The following CD247 variants were observed in gnomAD, a reference collection of about 807,000 sequenced individuals.
CD247 encodes T-cell surface glycoprotein CD3 zeta chain.
Under a neutral mutation model 30.0 loss-of-function variants are expected in CD247, and 13 were observed. The observed-to-expected ratio is 0.43, with a 90% confidence interval of 0.28 to 0.69. CD247 has a LOEUF of 0.69. Ranked by LOEUF, CD247 falls within the 30% of genes least tolerant of loss-of-function variation. The probability of loss-of-function intolerance (pLI) is 0.16; values close to 1 mark genes in which losing one functional copy is unlikely to be tolerated. For missense variants in CD247, 193 were observed against 212.6 expected, an observed-to-expected ratio of 0.91 and a Z score of 0.57; for synonymous variants, 72 against 80.0, an observed-to-expected ratio of 0.90 and a Z score of 0.53.
chr1:167,445,737 G>T (rs1242298647), intron 1 of CD247, among the ~76,000 whole-genome samples: 3 of 152,024 alleles, frequency 2.0e-5, no homozygotes, highest in Non-Finnish European at 4.4e-5. Flanking sequence ...CTGCTAACAG[G>T]GATCAGGCCT....
intron 1 of CD247, among the ~76,000 whole-genome samples, chr1:167,465,452 C>G (rs138020365): frequency 0.067 from 10,220 of 151,886 alleles, 501 homozygotes; most frequent in East Asian, 0.28. Flanking sequence ...CCTCAGCCTC[C>G]CGAGTAGCTG....
chr1:167,501,878 C>T (rs998602716), intron 1 of CD247, among the ~76,000 whole-genome samples: 6 of 152,214 alleles, frequency 3.9e-5, no homozygotes, highest in African/African-American at 1.2e-4. Flanking sequence ...AAGAGGAGCA[C>T]GCAGGTAGAA....
intron 1 of CD247, among the ~76,000 whole-genome samples, chr1:167,463,034 C>T (rs1485836771): frequency 6.6e-6 from 1 of 152,220 alleles, no homozygotes; most frequent in Non-Finnish European, 1.5e-5. Flanking sequence ...AATTTGGGGA[C>T]TGCTTCTTTT....
intron 1 of CD247, among the ~76,000 whole-genome samples, chr1:167,484,400 C>T (rs535101156): frequency 6.6e-6 from 1 of 152,224 alleles, no homozygotes; most frequent in Non-Finnish European, 1.5e-5. Context: ...GTACACCCTT[C>T]CCCTTTGGGA....
intron 1 of CD247, among the ~76,000 whole-genome samples, chr1:167,490,266 T>C (rs1358701134): frequency 6.6e-6 from 1 of 152,224 alleles, no homozygotes; most frequent in African/African-American, 2.4e-5. Context: ...TCTGACCTCA[T>C]CTTTCTTAAT....
chr1:167,515,776 A>G (rs914157015), intron 1 of CD247, among the ~76,000 whole-genome samples: 3 of 152,248 alleles, frequency 2.0e-5, no homozygotes, highest in Non-Finnish European at 4.4e-5. Context: ...GCTGCTTTAT[A>G]ACATATTGAA....
intron 1 of CD247, chr1:167,459,675 A>C (rs1180862625): frequency 6.6e-6 from 1 of 152,132 alleles, no homozygotes; most frequent in East Asian, 1.9e-4. Context: ...TTTTACATTA[A>C]CAACTGGACT....
At chr1:167,447,699 A>C (rs1009792819) in intron 1 of CD247, among the ~76,000 whole-genome samples, 1 of 152,124 alleles carries the variant, frequency 6.6e-6, no homozygotes, top group Non-Finnish European at 1.5e-5. Flanking sequence ...GTGACACTCA[A>C]ATGGGAAGGG....
chr1:167,459,360 T>C (rs1652887687), intron 1 of CD247, among the ~76,000 whole-genome samples: 2 of 141,310 alleles, frequency 1.4e-5, no homozygotes, highest in South Asian at 4.9e-4. Context: ...TTTTTTTTTT[T>C]TTTTTTTTTT....
At chr1:167,496,920 A>T (rs1488859416) in intron 1 of CD247, among the ~76,000 whole-genome samples, 2 of 152,200 alleles carry the variant, frequency 1.3e-5, no homozygotes, top group African/African-American at 2.4e-5. Context: ...TGATGAAAAA[A>T]GCAGGCCCCG....
chr1:167,483,412 C>G (rs1223091341), intron 1 of CD247, among the ~76,000 whole-genome samples: 1 of 152,064 alleles, frequency 6.6e-6, no homozygotes, highest in Non-Finnish European at 1.5e-5. Context: ...AAAATAGCCT[C>G]CCTCCCCCTC....
At chr1:167,440,405 C>A in intron 2 of CD247, 1 of 545,212 alleles carries the variant, frequency 1.8e-6, no homozygotes, top group Non-Finnish European at 3.3e-6. Flanking sequence ...CTGGGACACT[C>A]TGATGTGCAC....
chr1:167,439,560 G>T, intron 2 of CD247, 160 bp from the exon 3 acceptor site: 1 of 651,900 alleles, frequency 1.5e-6, no homozygotes, highest in Non-Finnish European at 2.8e-6. Flanking sequence ...AGGGGCCGGG[G>T]CGTGGCAGCC....
At chr1:167,462,620 C>T (rs10918693) in intron 1 of CD247, among the ~76,000 whole-genome samples, 23,450 of 152,172 alleles carry the variant, frequency 0.15, 2,382 homozygotes, top group East Asian at 0.36. Flanking sequence ...TTTTGGGGGC[C>T]GATCCCTGCT....
intron 1 of CD247, chr1:167,459,657 T>A (rs1652904417): frequency 6.6e-6 from 1 of 152,164 alleles, no homozygotes; most frequent in Non-Finnish European, 1.5e-5. Flanking sequence ...CCTGGCCTCT[T>A]GTACCTTTTT....
intron 1 of CD247, among the ~76,000 whole-genome samples, chr1:167,515,865 A>G (rs1442124320): frequency 6.6e-6 from 1 of 152,268 alleles, no homozygotes; most frequent in African/African-American, 2.4e-5. Context: ...TAATAATAGT[A>G]ATAGTAAATA....
In CD247 at chr1:167,464,123, G is replaced by A. The variant is rs1390942779; in HGVS notation, c.59-23356C>T. Among the ~76,000 whole-genome samples the A allele has an allele frequency of 2.6e-5, 4 of 152,134 alleles. No individual in the cohort carries two copies. In the South Asian group the frequency reaches 8.3e-4, roughly 31 times the overall value. ...ACCATGGAATGTGCCAGTTGTGGCT[G>A]GAAGTAATTGTCTTTTCAGTGGACA... On this transcript the variant is annotated intron_variant, in intron 1 of 7. Coordinates refer to ENST00000362089, the MANE Select transcript of CD247 (RefSeq NM_198053.3).
intron 1 of CD247, among the ~76,000 whole-genome samples, chr1:167,503,537 T>A (rs1192658634): frequency 1.3e-5 from 2 of 152,354 alleles, no homozygotes; most frequent in South Asian, 2.1e-4. Flanking sequence ...GTCCTGCACT[T>A]AAACAACAAC....
intron 1 of CD247, among the ~76,000 whole-genome samples, chr1:167,478,663 G>C (rs545208358): frequency 6.6e-6 from 1 of 152,158 alleles, no homozygotes; most frequent in Non-Finnish European, 1.5e-5. Context: ...GTCTGTGAAG[G>C]CGAGATTAAA....
Sources: allele counts gnomAD v4.1 joint callset (sites outside exome capture counted in the v4.1 genomes callset), GRCh38; gene constraint gnomAD v4.1.1; transcripts MANE v1.5; gene names NCBI Gene and HGNC (gene_info 2026-07-23, HGNC 2026-07-21).